Variants in CDH18 observed in about 807,000 individuals in gnomAD.
CDH18 encodes cadherin-18.
In CDH18, 31 loss-of-function variants were observed where a neutral mutation model predicts 67.9. The ratio of observed to expected loss-of-function variants is 0.46; its 90% CI spans 0.34 to 0.62. The LOEUF (loss-of-function observed/expected upper bound fraction) is 0.62. CDH18 is among the 20% of genes least tolerant of loss of function. The pLI, the probability that CDH18 is intolerant of heterozygous loss-of-function variation, is 0.01. For synonymous variants in CDH18, 362 were observed against 347.2 expected, an observed-to-expected ratio of 1.04 and a Z score of -0.48; for missense variants, 890 against 975.5, an observed-to-expected ratio of 0.91 and a Z score of 1.17.
At chr5:20,324,051 A>G (rs1394237946) in intron 1 of CDH18, among the ~76,000 whole-genome samples, 1 of 152,198 alleles carries the variant, frequency 6.6e-6, no homozygotes, top group East Asian at 1.9e-4. Context: ...CCAAAGTTCA[A>G]CGGTTTTAAG....
chr5:19,966,631 T>A lies in CDH18; in HGVS notation c.-257+14429A>T, dbSNP rs910211842. 2.6e-5 allele frequency among the ~76,000 whole-genome samples: 4 copies of A among 152,128 alleles called. No homozygotes were observed. The South Asian group carries it at 6.2e-4, about 24-fold the overall frequency. On this transcript the variant is annotated intron_variant, in intron 2 of 12. Transcript: ENST00000382275. Reference sequence around the variant, plus strand: ...TTTTTCTTAATAAAGGGATTCTATATGTAGAAAATTTTACTGATGGAAATC... The same window carrying A: ...TTTTTCTTAATAAAGGGATTCTATAAGTAGAAAATTTTACTGATGGAAATC...
At chr5:19,630,997 C>T (rs77309515) in intron 5 of CDH18, among the ~76,000 whole-genome samples, 264 of 151,942 alleles carry the variant, frequency 1.7e-3, no homozygotes, top group African/African-American at 3.2e-3. Flanking sequence ...GTTGATTTAG[C>T]ACCTTTCACT....
At chr5:20,020,172 A>C (rs1738278915) in intron 2 of CDH18, among the ~76,000 whole-genome samples, 1 of 152,300 alleles carries the variant, frequency 6.6e-6, no homozygotes, top group African/African-American at 2.4e-5. Flanking sequence ...TGCTTCTAAC[A>C]GTGTATGCTT....
intron 2 of CDH18, among the ~76,000 whole-genome samples, chr5:20,052,306 G>C (rs1328986947): frequency 6.6e-6 from 1 of 152,092 alleles, no homozygotes; most frequent in Non-Finnish European, 1.5e-5. Flanking sequence ...GGAGCTAAAT[G>C]ATGGTATCTC....
chr5:20,266,780 A>G (rs868216876), intron 1 of CDH18, among the ~76,000 whole-genome samples: 5 of 151,870 alleles, frequency 3.3e-5, no homozygotes, highest in African/African-American at 4.8e-5. Context: ...TATATGAGCC[A>G]TAAGTAATGG....
At chr5:20,509,489 G>C (rs180885777) in intron 1 of CDH18, among the ~76,000 whole-genome samples, 3 of 148,494 alleles carry the variant, frequency 2.0e-5, no homozygotes, top group Admixed American at 6.8e-5. Context: ...TGTAATCTCT[G>C]CCTCCCAGGT....
intron 2 of CDH18, among the ~76,000 whole-genome samples, chr5:20,037,340 C>A (rs565407136): frequency 1.9e-3 from 295 of 152,040 alleles, no homozygotes; most frequent in Non-Finnish European, 3.7e-3. Context: ...TATTTGCCAG[C>A]TCTGGACAAA....
intron 2 of CDH18, among the ~76,000 whole-genome samples, chr5:19,901,235 T>C (rs1579502348): frequency 6.6e-6 from 1 of 152,138 alleles, no homozygotes; most frequent in Non-Finnish European, 1.5e-5. Flanking sequence ...TATTTTACTC[T>C]TATGTAATTA....
At chr5:20,332,672 T>A (rs979308433) in intron 1 of CDH18, among the ~76,000 whole-genome samples, 2 of 152,214 alleles carry the variant, frequency 1.3e-5, no homozygotes, top group African/African-American at 4.8e-5. Flanking sequence ...GTCATTAAAT[T>A]CCTAGATTAA....
intron 2 of CDH18, among the ~76,000 whole-genome samples, chr5:19,883,124 G>C (rs1787835517): frequency 6.6e-6 from 1 of 152,188 alleles, no homozygotes; most frequent in Non-Finnish European, 1.5e-5. Flanking sequence ...GCTGGCTCGA[G>C]AGCACTGACC....
chr5:20,462,851 T>C (rs1289717881), intron 1 of CDH18, among the ~76,000 whole-genome samples: 1 of 152,138 alleles, frequency 6.6e-6, no homozygotes, highest in Non-Finnish European at 1.5e-5. Context: ...GTAAGCTGGC[T>C]CCATGTCAAT....
chr5:20,542,891 T>C (rs1410956583), intron 1 of CDH18, among the ~76,000 whole-genome samples: 1 of 152,052 alleles, frequency 6.6e-6, no homozygotes, highest in Non-Finnish European at 1.5e-5. Context: ...TAAGACAATC[T>C]ACAGTTTTTA....
chr5:19,475,596 T>A (rs2126515098), intron 12 of CDH18, among the ~76,000 whole-genome samples: 1 of 152,036 alleles, frequency 6.6e-6, no homozygotes, highest in African/African-American at 2.4e-5. Flanking sequence ...GTGTCCCATA[T>A]AATATTTGAG....
At chr5:19,615,838 C>A (rs957073081) in intron 5 of CDH18, among the ~76,000 whole-genome samples, 1 of 152,084 alleles carries the variant, frequency 6.6e-6, no homozygotes, top group African/African-American at 2.4e-5. Context: ...TTTAAGATTT[C>A]TTCATGTCTT....
At chr5:19,824,713 C>T (rs1451773535) in intron 3 of CDH18, among the ~76,000 whole-genome samples, 1 of 152,158 alleles carries the variant, frequency 6.6e-6, no homozygotes, top group African/African-American at 2.4e-5. Context: ...GCCCAGCAGT[C>T]CCACTTCTGT....
At chr5:20,480,452 CTG>C (rs1752716318) in intron 1 of CDH18, among the ~76,000 whole-genome samples, 1 of 152,124 alleles carries the variant, frequency 6.6e-6, no homozygotes, top group Admixed American at 6.5e-5. Flanking sequence ...CAGTCTCACT[CTG>C]TTGCCCAGGC....
rs143268494 is a variant in CDH18 at position 20,019,551 on chromosome 5, T to C, written c.-517-27537A>G. Among the ~76,000 whole-genome samples, 7 of 152,310 alleles carry C rather than the reference T, an allele frequency of 4.6e-5. No individual in the cohort carries two copies. The East Asian group carries it at 1.4e-3, about 29-fold the overall frequency. On this transcript the variant is annotated intron_variant, in intron 2 of 14. Coordinates refer to the CDH18 transcript ENST00000507958. Reference sequence around the variant, plus strand: ...GACCTGGTAGTTTCAAAGTGTGTGGTATCTTTTCCTTCACTCTCTCCTTCT... The same window carrying C: ...GACCTGGTAGTTTCAAAGTGTGTGGCATCTTTTCCTTCACTCTCTCCTTCT...
chr5:19,620,443 A>C (rs550013508), intron 5 of CDH18, among the ~76,000 whole-genome samples: 9 of 152,208 alleles, frequency 5.9e-5, no homozygotes, highest in Non-Finnish European at 1.2e-4. Context: ...TTCATGCCAC[A>C]GTGGCATTAG....
chr5:19,765,769 T>C (rs1386946399), intron 3 of CDH18, among the ~76,000 whole-genome samples: 1 of 152,142 alleles, frequency 6.6e-6, no homozygotes, highest in Non-Finnish European at 1.5e-5. Flanking sequence ...CAACCCAGGG[T>C]TGAGCCCATA....
Sources: gnomAD v4.1 joint callset for allele counts (sites outside exome capture counted in the v4.1 genomes callset) on GRCh38, gnomAD v4.1.1 for gene constraint, MANE v1.5 for transcripts, NCBI Gene and HGNC (gene_info 2026-07-23, HGNC 2026-07-21) for gene names.